Variants in PLXNA4 observed in about 807,000 individuals in gnomAD.
PLXNA4 encodes plexin-A4.
A neutral mutation model predicts 191.8 loss-of-function variants in PLXNA4; 44 were observed. That is an observed-to-expected ratio of 0.23 (90% CI 0.18 to 0.29). The LOEUF is 0.29. Ranked by LOEUF, PLXNA4 falls within the 10% of genes least tolerant of loss-of-function variation. PLXNA4 has a pLI of 1.00. For synonymous variants in PLXNA4, 1,082 were observed against 1,009.5 expected (o/e 1.07, Z -1.36); for missense variants, 1,800 against 2,488.8 (o/e 0.72, Z 5.89).
At chr7:132,511,849 C>T (rs156967) in intron 1 of PLXNA4, among the ~76,000 whole-genome samples, 57,209 of 151,970 alleles carry the variant, frequency 0.38, 11,044 homozygotes, top group African/African-American at 0.45. Flanking sequence ...GATAATCCAG[C>T]TTAGTGATTC....
intron 25 of PLXNA4, among the ~76,000 whole-genome samples, chr7:132,154,304 G>A (rs1795730030): frequency 6.6e-6 from 1 of 152,142 alleles, no homozygotes; most frequent in Non-Finnish European, 1.5e-5. Context: ...AGTGCTGGGA[G>A]CAGGCACCGG....
At chr7:132,466,113 G>A (rs1190713461) in intron 3 of PLXNA4, among the ~76,000 whole-genome samples, 1 of 152,182 alleles carries the variant, frequency 6.6e-6, no homozygotes, top group Non-Finnish European at 1.5e-5. Flanking sequence ...CCATCAGCCA[G>A]CTAGGCAGAA....
chr7:132,569,613 A>G (rs577078367), intron 1 of PLXNA4, among the ~76,000 whole-genome samples: 77 of 152,374 alleles, frequency 5.1e-4, no homozygotes, highest in African/African-American at 1.8e-3. Flanking sequence ...GAAACATAAA[A>G]TGATTTTTCC....
chr7:132,454,614 G>A (rs1381670553), intron 3 of PLXNA4, among the ~76,000 whole-genome samples: 2 of 152,018 alleles, frequency 1.3e-5, no homozygotes, highest in Non-Finnish European at 2.9e-5. Flanking sequence ...ACCTCTGAAT[G>A]TGACTGTATT....
At chr7:132,409,116 G>A (rs552742639) in intron 3 of PLXNA4, among the ~76,000 whole-genome samples, 1 of 152,280 alleles carries the variant, frequency 6.6e-6, no homozygotes, top group South Asian at 2.1e-4. Flanking sequence ...AGAGAAAAAT[G>A]CTGACTTGAT....
intron 25 of PLXNA4, among the ~76,000 whole-genome samples, chr7:132,150,866 C>G (rs75255066): frequency 0.015 from 2,264 of 152,338 alleles, 56 homozygotes; most frequent in African/African-American, 0.052. Context: ...CCCCTTAGAG[C>G]TGTGCAGTGC....
intron 4 of PLXNA4, among the ~76,000 whole-genome samples, chr7:132,277,737 C>T (rs192198514): frequency 4.0e-4 from 61 of 152,306 alleles, no homozygotes; most frequent in African/African-American, 1.4e-3. Context: ...CTTCCCTGAC[C>T]TTGAGGCTTA....
chr7:132,185,215 C>T, intron 16 of PLXNA4, 84 bp downstream of exon 16: 4 of 1,511,476 alleles, frequency 2.6e-6, no homozygotes, highest in African/African-American at 1.4e-5. Context: ...GGACTGGGCC[C>T]CCAGAACTCT....
chr7:132,477,561 T>C (rs1797180481), intron 3 of PLXNA4, among the ~76,000 whole-genome samples: 1 of 152,208 alleles, frequency 6.6e-6, no homozygotes, highest in African/African-American at 2.4e-5. Flanking sequence ...GGGTCATTTG[T>C]TACTGCAACA....
chr7:132,166,587 CAAAATGAAGCTGGTAAGA>C (rs1329592207), intron 22 of PLXNA4, among the ~76,000 whole-genome samples: 1 of 151,414 alleles, frequency 6.6e-6, no homozygotes, highest in Non-Finnish European at 1.5e-5. Flanking sequence ...GCTGCCGGCA[CAAAATGAAGCTGGTAAGA>C]GAAAAGAAGA....
intron 20 of PLXNA4, among the ~76,000 whole-genome samples, chr7:132,178,005 A>G (rs981535952): frequency 1.3e-5 from 2 of 152,354 alleles, no homozygotes; most frequent in South Asian, 4.1e-4. Flanking sequence ...AGATCCTCCC[A>G]GGATGAGTCA....
chr7:132,478,691 C>T lies in PLXNA4; in HGVS notation c.1371+10601G>A, dbSNP rs141218130. Among the ~76,000 whole-genome samples the T allele has an allele frequency of 5.9e-5, 9 of 152,274 alleles. No individual in the cohort carries two copies. In the East Asian group the frequency reaches 1.5e-3, roughly 26 times the overall value. On this transcript the variant is annotated intron_variant, in intron 3 of 31. Coordinates refer to ENST00000321063, the MANE Select transcript of PLXNA4 (RefSeq NM_020911.2). ...AAAATGGCAATTTGTATCTGAGACT[C>T]CCATGGGAATACCTGGAACACAGTA...
chr7:132,388,546 A>AT (rs1805259457), intron 3 of PLXNA4, among the ~76,000 whole-genome samples: 1 of 152,286 alleles, frequency 6.6e-6, no homozygotes, highest in Non-Finnish European at 1.5e-5. Flanking sequence ...AGAAAAAAAA[A>AT]GGTCTCCTTA....
chr7:132,370,389 T>A (rs1370440110), intron 3 of PLXNA4, among the ~76,000 whole-genome samples: 1 of 152,192 alleles, frequency 6.6e-6, no homozygotes, highest in East Asian at 1.9e-4. Flanking sequence ...GCACCATGGT[T>A]TCTTGACTTG....
intron 1 of PLXNA4, among the ~76,000 whole-genome samples, chr7:132,540,044 A>C (rs1265165926): frequency 6.6e-6 from 1 of 152,112 alleles, no homozygotes; most frequent in Non-Finnish European, 1.5e-5. Context: ...TTTGTGGTTG[A>C]CTGAGTGCTC....
intron 2 of PLXNA4, among the ~76,000 whole-genome samples, chr7:132,637,130 C>T (rs144545828): frequency 1.3e-5 from 2 of 152,312 alleles, no homozygotes; most frequent in East Asian, 3.9e-4. Context: ...ATTCTCTTGG[C>T]TCTCAGCTCC....
chr7:132,282,852 T>C (rs1029330568), intron 4 of PLXNA4, among the ~76,000 whole-genome samples: 4 of 151,920 alleles, frequency 2.6e-5, no homozygotes, highest in African/African-American at 7.3e-5. Context: ...GTTGGGGATA[T>C]TGGGTCATCA....
At chr7:132,573,773 G>C (rs1312381503) in intron 1 of PLXNA4, among the ~76,000 whole-genome samples, 3 of 152,190 alleles carry the variant, frequency 2.0e-5, no homozygotes, top group African/African-American at 7.2e-5. Context: ...GGCGTGATTG[G>C]GTAAGAAGGA....
At chr7:132,564,055 T>G (rs1293508599) in intron 1 of PLXNA4, among the ~76,000 whole-genome samples, 1 of 48,940 alleles carries the variant, frequency 2.0e-5, no homozygotes. Context: ...CCTCCCCCTC[T>G]TTCTCCTCCT....
Sources: allele counts gnomAD v4.1 joint callset (sites outside exome capture counted in the v4.1 genomes callset), GRCh38; gene constraint gnomAD v4.1.1; transcripts MANE v1.5; gene names NCBI Gene and HGNC (gene_info 2026-07-23, HGNC 2026-07-21).